The following N4BP1 variants were observed in gnomAD, a reference collection of about 807,000 sequenced individuals.
The protein encoded by N4BP1 is NEDD4 binding protein 1, also known as NEDD4-binding protein 1.
Under a neutral mutation model 70.9 loss-of-function variants are expected in N4BP1, and 21 were observed. That is an observed-to-expected ratio of 0.30 (90% CI 0.21 to 0.43). N4BP1 has a LOEUF of 0.43. Among genes scored for constraint, N4BP1 ranks in the 20% least tolerant of loss-of-function variants. N4BP1 has a pLI of 1.00. For missense variants in N4BP1, 936 were observed against 1,069.4 expected (o/e 0.88, Z 1.74); for synonymous variants, 387 against 394.6 (o/e 0.98, Z 0.23).
rs1963866444 is a variant in N4BP1 at position 48,562,003 on chromosome 16, CTGTT to C, written c.636_639del (p.Thr213SerfsTer10). 3.1e-6 allele frequency: 5 copies of C among 1,613,900 alleles called. No homozygotes were observed. The highest frequency in any genetic ancestry group is 2.5e-6 in the Non-Finnish European group (3 of 1,179,882). ...CCTGTGGCAGCATTCTGTGTAAACT[CTGTT>C]TGTTGAGAATCTCTCATTTCAATAA... On this transcript the variant is annotated frameshift_variant, in exon 2 of 7. Coordinates refer to ENST00000262384, the MANE Select transcript of N4BP1 (RefSeq NM_153029.4). LOFTEE classifies it high-confidence loss of function.
At chr16:48,548,159 G>T in intron 4 of N4BP1, 45 bp from the exon 5 acceptor site, 1 of 1,099,686 alleles carries the variant, frequency 9.1e-7, no homozygotes, top group Non-Finnish European at 1.4e-6. Context: ...AGGCATCCTT[G>T]GCTCAGAGAA....
chr16:48,562,680 G>C (rs1963879182), intron 1 of N4BP1, among the ~76,000 whole-genome samples: 1 of 152,178 alleles, frequency 6.6e-6, no homozygotes, highest in Non-Finnish European at 1.5e-5. Flanking sequence ...TGGGTATTTT[G>C]TAACATTTTA....
At chr16:48,608,288 C>T (rs1964615877) in intron 1 of N4BP1, among the ~76,000 whole-genome samples, 1 of 152,142 alleles carries the variant, frequency 6.6e-6, no homozygotes, top group Admixed American at 6.5e-5. Context: ...CAGGCGTGAG[C>T]CACCGCGCCC....
chr16:48,538,819 C>T lies in N4BP1; in HGVS notation c.*4085G>A, dbSNP rs925655565. On this transcript the variant is annotated 3_prime_UTR_variant, in exon 7 of 7. Coordinates refer to ENST00000262384, the MANE Select transcript of N4BP1 (RefSeq NM_153029.4). ...ACAGAGAACACAGGCGGTCCCTGCC[C>T]ACGAGGAGCTCACAGTCTAGAAAGG... The T allele has an allele frequency of 1.3e-5, 2 of 152,890 alleles. No individual in the cohort carries two copies. Among genetic ancestry groups the T allele is most frequent in the African/African-American group, 4.8e-5 (2 of 41,444 alleles). The allele number at this position is 152,890 out of a possible 1,614,324, so 9.5% of individuals were successfully genotyped here.
intron 1 of N4BP1, among the ~76,000 whole-genome samples, chr16:48,595,082 G>A (rs1198428827): frequency 1.3e-5 from 2 of 152,186 alleles, no homozygotes; most frequent in Admixed American, 6.5e-5. Context: ...ATATCAAGCA[G>A]AACAGGAGTT....
intron 1 of N4BP1, among the ~76,000 whole-genome samples, chr16:48,584,235 A>T (rs1462088828): frequency 6.6e-6 from 1 of 152,256 alleles, no homozygotes; most frequent in Non-Finnish European, 1.5e-5. Flanking sequence ...AGACACCTCA[A>T]GAAAATCTGG....
chr16:48,591,244 G>A (rs1034858432), intron 1 of N4BP1, among the ~76,000 whole-genome samples: 3 of 152,094 alleles, frequency 2.0e-5, no homozygotes, highest in African/African-American at 4.8e-5. Flanking sequence ...TCTTGGCTTC[G>A]GAAATGATTC....
At chr16:48,580,716 G>A (rs765042626) in intron 1 of N4BP1, among the ~76,000 whole-genome samples, 11 of 152,020 alleles carry the variant, frequency 7.2e-5, no homozygotes, top group Admixed American at 2.6e-4. Context: ...TGTGGTTTCC[G>A]CATCCATGGA....
At chr16:48,605,958 C>T (rs534780671) in intron 1 of N4BP1, among the ~76,000 whole-genome samples, 116 of 152,310 alleles carry the variant, frequency 7.6e-4, no homozygotes, top group African/African-American at 2.5e-3. Flanking sequence ...CCTAGGAAAC[C>T]GGCTGGCAGA....
chr16:48,606,078 T>G (rs1964577409), intron 1 of N4BP1, among the ~76,000 whole-genome samples: 1 of 152,188 alleles, frequency 6.6e-6, no homozygotes, highest in Non-Finnish European at 1.5e-5. Context: ...AGAGGCAACG[T>G]GATTCTTGAG....
At chr16:48,577,228 G>A (rs1964107250) in intron 1 of N4BP1, among the ~76,000 whole-genome samples, 2 of 152,158 alleles carry the variant, frequency 1.3e-5, no homozygotes, top group South Asian at 4.1e-4. Context: ...TGGACTGTAT[G>A]TAACATGACC....
Position 48,610,105 on chromosome 16 carries a change from C to T in N4BP1, c.-133G>A. ...CGCCTCGCCCCCGCCCGCGCCCCGC[C>T]GCCCGCCCTCAGGCCCGGCTATACC... is the stretch of plus-strand genomic sequence containing the variant. On this transcript the variant is annotated 5_prime_UTR_variant, in exon 1 of 7. Transcript: ENST00000262384. 3.1e-6 allele frequency: 1 copy of T among 317,834 alleles called. No homozygotes were observed. 19.7% of individuals were successfully genotyped at this position (317,834 alleles called of 1,614,324 possible).
At position 48,548,120 on chromosome 16, in the gene N4BP1, G is replaced by A. The variant is rs1806859352; in HGVS notation, c.2118-6C>T. 3 of 1,556,330 alleles carry A rather than the reference G, an allele frequency of 1.9e-6. No individual in the cohort carries two copies. Among genetic ancestry groups the A allele is most frequent in the Non-Finnish European group, 2.7e-6 (3 of 1,129,336 alleles). On this transcript the variant is annotated splice_region_variant and splice_polypyrimidine_tract_variant and intron_variant, in intron 4 of 6. Coordinates refer to ENST00000262384, the MANE Select transcript of N4BP1 (RefSeq NM_153029.4). ...CCGCTAAGTGTAGTAGAAACCTATG[G>A]TAATATAAGAGAGTTTAAAATCAGC...
In N4BP1 at chr16:48,553,730, T is replaced by A. The variant is rs112616391; in HGVS notation, c.1890-61A>T. On this transcript the variant is annotated intron_variant, in intron 2 of 6. Coordinates refer to ENST00000262384, the MANE Select transcript of N4BP1 (RefSeq NM_153029.4). Reference sequence around the variant, plus strand: ...TATTTCTGTTTAAAGCACAGTAAGTTTCACCATGAAAAGTTAACATACACA... The same window carrying A: ...TATTTCTGTTTAAAGCACAGTAAGTATCACCATGAAAAGTTAACATACACA... 4.9e-4 allele frequency: 660 copies of A among 1,348,080 alleles called. 5 individuals are homozygous for A. In the African/African-American group the frequency reaches 8.6e-3, roughly 18 times the overall value. 83.5% of individuals were successfully genotyped at this position (1,348,080 alleles called of 1,614,324 possible). A position where few individuals can be genotyped will look rare whatever the true frequency, so the allele number is the denominator to read the frequency against.
intron 5 of N4BP1, 144 bp downstream of exon 5, chr16:48,547,863 C>T: frequency 1.7e-6 from 1 of 602,582 alleles, no homozygotes. Context: ...AGTGGGAGTG[C>T]AGCACAGTCT....
At chr16:48,581,796 AATC>A (rs1332379886) in intron 1 of N4BP1, among the ~76,000 whole-genome samples, 2 of 152,214 alleles carry the variant, frequency 1.3e-5, no homozygotes, top group East Asian at 1.9e-4. Flanking sequence ...CATATACAAT[AATC>A]AACTAAAGAT....
At chr16:48,564,597 T>A (rs1963912078) in intron 1 of N4BP1, among the ~76,000 whole-genome samples, 1 of 152,154 alleles carries the variant, frequency 6.6e-6, no homozygotes, top group African/African-American at 2.4e-5. Flanking sequence ...GGGTAATGAT[T>A]TGCTCCCTCT....
chr16:48,603,683 G>A (rs568689984), intron 1 of N4BP1: 1 of 152,118 alleles, frequency 6.6e-6, no homozygotes, highest in African/African-American at 2.4e-5. Flanking sequence ...GGCACCCCTT[G>A]GCCCTCAGAG....
intron 1 of N4BP1, among the ~76,000 whole-genome samples, chr16:48,574,031 C>T (rs1964058773): frequency 6.6e-6 from 1 of 152,130 alleles, no homozygotes; most frequent in Admixed American, 6.6e-5. Flanking sequence ...AGTTCAAACC[C>T]ACGTTGTTCA....
Sources: gnomAD v4.1 joint callset for allele counts (sites outside exome capture counted in the v4.1 genomes callset) on GRCh38, gnomAD v4.1.1 for gene constraint, MANE v1.5 for transcripts, NCBI Gene and HGNC (gene_info 2026-07-23, HGNC 2026-07-21) for gene names.